Variants in TRRAP observed in about 807,000 individuals in gnomAD.
The protein encoded by TRRAP is transformation/transcription domain-associated protein.
Under a neutral mutation model 438.8 loss-of-function variants are expected in TRRAP, and 41 were observed. The observed-to-expected ratio is 0.09, with a 90% CI of 0.07 to 0.12. TRRAP has a LOEUF of 0.12. Among genes scored for constraint, TRRAP ranks in the 10% least tolerant of loss-of-function variants. TRRAP has a pLI of 1.00. For missense variants in TRRAP, 3,122 were observed against 5,055.1 expected (o/e 0.62, Z 11.60); for synonymous variants, 1,994 against 1,962.9 (o/e 1.02, Z -0.42).
rs565217821 is a variant in TRRAP, at chr7:98,983,570, A to C, written c.9022+111A>C. ...GTTTGGTTTGGTTTTTTTTTCCCCC[A>C]GGTTTTCTATTTTGGGGTAGGGAAT... On this transcript the variant is annotated intron_variant, in intron 60 of 72. Coordinates refer to ENST00000456197, the MANE Select transcript of TRRAP (RefSeq NM_001375524.1). 1.7e-5 allele frequency: 22 copies of C among 1,281,844 alleles called. No homozygotes were observed. The African/African-American group carries it at 2.7e-4, about 16-fold the overall frequency. The allele number at this position is 1,281,844 out of a possible 1,614,324, so 79.4% of individuals were successfully genotyped here.
intron 67 of TRRAP, among the ~76,000 whole-genome samples, chr7:98,995,647 T>TCC (rs375925743): frequency 2.3e-5 from 3 of 131,280 alleles, no homozygotes; most frequent in Non-Finnish European, 3.3e-5. Flanking sequence ...CCCCACAGTA[T>TCC]CCCCCCCCCA....
intron 56 of TRRAP, 69 bp downstream of exon 56, chr7:98,977,145 AT>A (rs1792697415): frequency 6.3e-7 from 1 of 1,598,566 alleles, no homozygotes; most frequent in African/African-American, 1.3e-5. Context: ...CTTTAATAAA[AT>A]GTCCTCAAGT....
intron 44 of TRRAP, among the ~76,000 whole-genome samples, chr7:98,958,345 C>G (rs1446317505): frequency 6.6e-6 from 1 of 151,888 alleles, no homozygotes; most frequent in African/African-American, 2.4e-5. Context: ...CTTTGTTGCC[C>G]AGGCTGGAGT....
chr7:98,928,805 A>T (rs1417815261), intron 23 of TRRAP, among the ~76,000 whole-genome samples: 1 of 151,382 alleles, frequency 6.6e-6, no homozygotes, highest in Non-Finnish European at 1.5e-5. Flanking sequence ...ACAGAGTCTC[A>T]CTTTGTTGCC....
At position 98,965,722 on chromosome 7, in the gene TRRAP, C is replaced by T. The variant is rs1235626583; in HGVS notation, c.7003C>T (p.Leu2335=). 3 of 1,614,104 alleles carry T rather than the reference C, an allele frequency of 1.9e-6. No individual in the cohort carries two copies. The highest frequency in any genetic ancestry group is 1.1e-5 in the South Asian group (1 of 91,070). ...SGTSELVMLS[L]ELVKTRLAVM... Reference sequence around the variant, plus strand: ...TACAAGCGAGCTGGTGATGCTGAGTCTGGAGCTGGTGAAGACGCGCCTGGC... The same window carrying T: ...TACAAGCGAGCTGGTGATGCTGAGTTTGGAGCTGGTGAAGACGCGCCTGGC... The change falls in exon 49 of 73, where the codon CTG becomes TTG. Residue 2335 remains leucine (L), a synonymous_variant. Transcript: ENST00000456197.
intron 47 of TRRAP, 84 bp from the exon 48 acceptor site, chr7:98,964,545 T>C (rs1792066180): frequency 6.7e-7 from 1 of 1,496,780 alleles, no homozygotes. Context: ...TCAGAATACA[T>C]TGTTTTGAAT....
At chr7:98,916,631 T>C (rs1469912965) in intron 19 of TRRAP, among the ~76,000 whole-genome samples, 1 of 152,214 alleles carries the variant, frequency 6.6e-6, no homozygotes, top group Non-Finnish European at 1.5e-5. Flanking sequence ...CCTGGCTCCA[T>C]GTCCGGATTT....
intron 26 of TRRAP, 138 bp from the exon 27 acceptor site, chr7:98,933,103 A>G (rs1180830738): frequency 4.1e-6 from 5 of 1,222,320 alleles, no homozygotes; most frequent in South Asian, 3.7e-5. Context: ...GGTTTTGCAC[A>G]TGAAATGTAT....
intron 20 of TRRAP, 149 bp downstream of exon 20, chr7:98,917,828 A>G (rs542062282): frequency 6.3e-5 from 76 of 1,202,950 alleles, no homozygotes; most frequent in South Asian, 4.8e-4. Flanking sequence ...GTGGATTGAA[A>G]TATGTAAAGA....
At chr7:98,922,097 G>C in intron 21 of TRRAP, 144 bp downstream of exon 21, 1 of 1,169,674 alleles carries the variant, frequency 8.5e-7, no homozygotes, top group Non-Finnish European at 1.2e-6. Context: ...GTTGGCACAG[G>C]GGCTTTCCTA....
intron 29 of TRRAP, 47 bp downstream of exon 29, chr7:98,937,324 A>G (rs782752385): frequency 1.3e-5 from 19 of 1,480,264 alleles, no homozygotes; most frequent in African/African-American, 1.5e-5. Flanking sequence ...GTGCACACAC[A>G]TGTGTGTGTA....
intron 49 of TRRAP, 75 bp from the exon 50 acceptor site, chr7:98,966,966 T>C (rs1792186309): frequency 2.0e-6 from 3 of 1,493,534 alleles, no homozygotes; most frequent in African/African-American, 1.4e-5. Flanking sequence ...CTTGATAAAA[T>C]TGTAGGAGCT....
chr7:98,901,560 A>G (rs1395928243), intron 11 of TRRAP, among the ~76,000 whole-genome samples: 4 of 152,096 alleles, frequency 2.6e-5, no homozygotes, highest in Non-Finnish European at 5.9e-5. Flanking sequence ...TTTACTTACT[A>G]TTTTTTGAGA....
intron 30 of TRRAP, 63 bp downstream of exon 30, chr7:98,937,883 T>A: frequency 2.7e-6 from 4 of 1,481,448 alleles, no homozygotes; most frequent in Non-Finnish European, 3.6e-6. Context: ...ATTTTAAAAA[T>A]AAATAATGCA....
chr7:99,013,201 A>G lies in TRRAP; in HGVS notation c.*846A>G, dbSNP rs548890453. 6.6e-6 allele frequency: 1 copy of G among 151,834 alleles called. No homozygotes were observed. Among genetic ancestry groups the G allele is most frequent in the African/African-American group, 2.4e-5 (1 of 41,224 alleles). The allele number at this position is 151,834 out of a possible 1,614,324, so 9.4% of individuals were successfully genotyped here. A position where few individuals can be genotyped will look rare whatever the true frequency, so the allele number is the denominator to read the frequency against. On this transcript the variant is annotated 3_prime_UTR_variant, in exon 73 of 73. Coordinates refer to ENST00000456197, the MANE Select transcript of TRRAP (RefSeq NM_001375524.1). The stretch of plus-strand genomic sequence containing the variant: ...GATAATGTTCTATCTAAATTTGTAC[A>G]GTGTGATTTTTTTTTTTAGAATAAA...
At chr7:98,946,065 A>G in intron 33 of TRRAP, 115 bp downstream of exon 33, 1 of 1,114,286 alleles carries the variant, frequency 9.0e-7, no homozygotes, top group South Asian at 1.8e-5. Context: ...CCTTGAGTGC[A>G]GTGACCTGTA....
rs547960117 is a variant in TRRAP at position 98,967,309 on chromosome 7, G to T, written c.7298+147G>T. On this transcript the variant is annotated intron_variant, in intron 50 of 72. Coordinates refer to ENST00000456197, the MANE Select transcript of TRRAP (RefSeq NM_001375524.1). ...ATGCTAAATTGTGTGACCTACTTTGGTGTCATTAAAGGACCTTGTGTTGTA... is the reference window on the plus strand; with the variant it reads ...ATGCTAAATTGTGTGACCTACTTTGTTGTCATTAAAGGACCTTGTGTTGTA... 1.9e-5 allele frequency: 25 copies of T among 1,326,118 alleles called. 1 individual carries two copies. In the South Asian group the frequency reaches 3.1e-4, roughly 16 times the overall value. 82.1% of individuals were successfully genotyped at this position (1,326,118 alleles called of 1,614,324 possible). A position where few individuals can be genotyped will look rare whatever the true frequency, so the allele number is the denominator to read the frequency against.
At chr7:98,885,046 T>C (rs557125330) in intron 3 of TRRAP, among the ~76,000 whole-genome samples, 62 of 152,268 alleles carry the variant, frequency 4.1e-4, no homozygotes, top group African/African-American at 1.4e-3. Context: ...GTCTCACATA[T>C]AAGCATGAAA....
chr7:98,953,289 C>T lies in TRRAP; in HGVS notation c.5586C>T (p.Asn1862=), dbSNP rs1562957545. Residue 1862 remains asparagine (N), a synonymous_variant, in exon 40 of 73, where the codon AAC becomes AAT. Coordinates refer to ENST00000456197, the MANE Select transcript of TRRAP (RefSeq NM_001375524.1). ...HHIHDNNKNR[N]SKLRRLMTFA... is the part of the protein sequence containing the mutation. ...TCCATGACAACAACAAGAACCGCAA[C>T]AGCAAGCTGCGCCGCCTCATGACCT... 2 of 1,613,916 alleles carry T rather than the reference C, an allele frequency of 1.2e-6. No homozygotes were observed. Among genetic ancestry groups the T allele is most frequent in the Non-Finnish European group, 1.7e-6 (2 of 1,180,040 alleles).
Sources: gnomAD v4.1 joint callset for allele counts (sites outside exome capture counted in the v4.1 genomes callset) on GRCh38, gnomAD v4.1.1 for gene constraint, MANE v1.5 for transcripts, NCBI Gene and HGNC (gene_info 2026-07-23, HGNC 2026-07-21) for gene names.